CHST15: variants seen among roughly 807,000 people sequenced by gnomAD.
CHST15 encodes carbohydrate sulfotransferase 15, also known as B cell RAG associated protein (GALNAC4S-6ST).
CHST15 carries 30 observed loss-of-function variants against 53.6 expected under a neutral mutation model. The observed-to-expected ratio is 0.56, with a 90% CI of 0.42 to 0.76. CHST15 has a LOEUF of 0.76. Among genes scored for constraint, CHST15 ranks in the 30% least tolerant of loss-of-function variants. The pLI is 0.00. For synonymous variants in CHST15, 296 were observed against 289.8 expected (o/e 1.02, Z -0.22); for missense variants, 627 against 740.5 (o/e 0.85, Z 1.78).
intron 1 of CHST15, among the ~76,000 whole-genome samples, chr10:124,080,154 G>C (rs994664696): frequency 6.6e-6 from 1 of 152,238 alleles, no homozygotes; most frequent in African/African-American, 2.4e-5. Context: ...TCTTCACCCA[G>C]AGACGGGACG....
intron 1 of CHST15, among the ~76,000 whole-genome samples, chr10:124,066,134 T>A: frequency 6.6e-6 from 1 of 152,326 alleles, no homozygotes; most frequent in East Asian, 1.9e-4. Context: ...TCTAATAAAA[T>A]GAGTGCCTCC....
intron 5 of CHST15, among the ~76,000 whole-genome samples, chr10:124,035,415 C>T (rs1470644889): frequency 1.3e-5 from 2 of 151,036 alleles, no homozygotes; most frequent in Non-Finnish European, 3.0e-5. Context: ...TGGCTCCACC[C>T]CTAATAGGGA....
At position 124,024,229 on chromosome 10, in the gene CHST15, C is replaced by T. The variant is rs1055427146; in HGVS notation, c.1191-2817G>A. Among the ~76,000 whole-genome samples, 13 of 152,330 alleles carry T rather than the reference C, an allele frequency of 8.5e-5. No homozygotes were observed. Among genetic ancestry groups the T allele is most frequent in the Admixed American group, 7.2e-4 (11 of 15,304 alleles). On this transcript the variant is annotated intron_variant, in intron 5 of 7. Coordinates refer to ENST00000435907, the MANE Select transcript of CHST15 (RefSeq NM_001270764.2). The surrounding 1 kb of genome is among the most constrained non-coding windows in gnomAD (Gnocchi z 4.0). ...TGCTCCCTTATAGCAGGGTCTGTTG[C>T]AAATGCGCCTTCTCCACTGCCCTCC...
Position 124,021,244 on chromosome 10 carries a change from G to GC in CHST15, c.1347+11_1347+12insG, listed in dbSNP as rs1564854292. The GC allele has an allele frequency of 3.2e-6, 5 of 1,570,474 alleles. No homozygotes were observed. The highest frequency in any genetic ancestry group is 4.3e-6 in the Non-Finnish European group (5 of 1,150,016). On this transcript the variant is annotated intron_variant, in intron 6 of 7. Coordinates refer to ENST00000435907, the MANE Select transcript of CHST15 (RefSeq NM_001270764.2). The stretch of plus-strand genomic sequence containing the variant: ...GGCCAGCTCGGGGGGTACGGGGGGG[G>GC]GGGGTACACACAGGCATGGCGTTGT...
At chr10:124,027,896 C>T (rs1947073730) in intron 5 of CHST15, among the ~76,000 whole-genome samples, 2 of 152,218 alleles carry the variant, frequency 1.3e-5, no homozygotes, top group Non-Finnish European at 1.5e-5. Context: ...CGAGCTTAGG[C>T]AAGGAGACGA....
At chr10:124,020,168 A>G in intron 6 of CHST15, 1 of 985,592 alleles carries the variant, frequency 1.0e-6, no homozygotes, top group Non-Finnish European at 1.2e-6. Context: ...GAATGAACGC[A>G]GGAATGCAAG....
At chr10:124,051,353 A>T (rs1948188923) in intron 1 of CHST15, among the ~76,000 whole-genome samples, 1 of 152,294 alleles carries the variant, frequency 6.6e-6, no homozygotes, top group Non-Finnish European at 1.5e-5. Flanking sequence ...AAATCCAATT[A>T]ATGGGGTGGT....
At chr10:124,038,371 G>A (rs1947602115) in intron 5 of CHST15, 144 bp downstream of exon 5, 4 of 858,202 alleles carry the variant, frequency 4.7e-6, no homozygotes, top group Non-Finnish European at 7.0e-6. Context: ...CTCCCAAAGT[G>A]CTGGGATTAC....
rs1397847548 is a variant in CHST15 at position 124,046,014 on chromosome 10, T to G, written c.199A>C (p.Asn67His). 6.2e-7 allele frequency: 1 copy of G among 1,614,064 alleles called. No homozygotes were observed. The highest frequency in any genetic ancestry group is 1.6e-4 in the Middle Eastern group (1 of 6,084). Residue 67 changes from asparagine to histidine, a missense_variant, in exon 2 of 8, where the codon AAC becomes CAC. By Grantham distance (68) the Asn-to-His change is moderately conservative. Coordinates refer to ENST00000435907, the MANE Select transcript of CHST15 (RefSeq NM_001270764.2). The part of the protein sequence containing the change: ...VLEVRTEGNE[N>H]WGGFLRFKKG... ...TTGAAGCGCAAAAACCCACCCCAGT[T>G]TTCGTTCCCTTCAGTCCTCACTTCG...
intron 1 of CHST15, among the ~76,000 whole-genome samples, chr10:124,073,709 C>A (rs760002070): frequency 1.3e-5 from 2 of 152,240 alleles, no homozygotes; most frequent in East Asian, 1.9e-4. Context: ...CTGGTCCTTG[C>A]GCCTTGACCA....
At chr10:124,020,470 C>A (rs1946734881) in intron 6 of CHST15, 1 of 985,444 alleles carries the variant, frequency 1.0e-6, no homozygotes. Context: ...CCTCCCAGAT[C>A]CCACGGCCTC....
intron 1 of CHST15, among the ~76,000 whole-genome samples, chr10:124,063,921 CCAGCGTTGTTTTGTGTCCTCAGTGCT>C (rs1948672190): frequency 1.3e-5 from 2 of 152,164 alleles, no homozygotes; most frequent in Non-Finnish European, 2.9e-5. Context: ...AGCTGAGCTT[CCAGCGTTGTTTTGTGTCCTCAGTGCT>C]ATGTAAACAT....
At chr10:124,045,125 A>ACAAAAC (rs1564882066) in intron 2 of CHST15, among the ~76,000 whole-genome samples, 1 of 103,474 alleles carries the variant, frequency 9.7e-6, no homozygotes, top group Non-Finnish European at 1.9e-5. Flanking sequence ...AAAAAAAAAA[A>ACAAAAC]AAAAAAAAAA....
At chr10:124,073,134 T>C (rs2134168923) in intron 1 of CHST15, among the ~76,000 whole-genome samples, 1 of 152,306 alleles carries the variant, frequency 6.6e-6, no homozygotes, top group South Asian at 2.1e-4. Context: ...AAGGCATCCA[T>C]ATGCTGATCA....
intron 1 of CHST15, among the ~76,000 whole-genome samples, chr10:124,086,069 C>T (rs568030762): frequency 4.5e-4 from 69 of 152,342 alleles, no homozygotes; most frequent in Admixed American, 1.2e-3. Context: ...CAACCACTAC[C>T]TCAGCTCCCT....
In CHST15 at chr10:124,010,329, A is replaced by T. The variant is rs1204433309; in HGVS notation, c.1506T>A (p.Ser502Arg). 1.3e-6 allele frequency: 2 copies of T among 1,597,432 alleles called. No homozygotes were observed. Among genetic ancestry groups the T allele is most frequent in the Non-Finnish European group, 1.7e-6 (2 of 1,171,002 alleles). Residue 502 changes from serine to arginine, a missense_variant, in exon 8 of 8, where the codon AGT (serine) becomes AGA (arginine). Physicochemically the swap from Ser to Arg is moderately radical, Grantham distance 110. Coordinates refer to ENST00000435907, the MANE Select transcript of CHST15 (RefSeq NM_001270764.2). ...TGGTCATCAAAGCCTCCTGCTTCTC[A>T]CTTAAGGGCCCTAGAATAAAAGAAG... Reference protein sequence around the residue: ...VFQFLNLGPLSEKQEALMTKS... With the variant: ...VFQFLNLGPLREKQEALMTKS...
intron 7 of CHST15, among the ~76,000 whole-genome samples, chr10:124,011,986 C>T (rs1413906343): frequency 6.6e-6 from 1 of 152,184 alleles, no homozygotes; most frequent in African/African-American, 2.4e-5. Flanking sequence ...CCCAAACCAT[C>T]AGCACATACC....
chr10:124,015,995 G>A (rs574559743), intron 6 of CHST15, among the ~76,000 whole-genome samples: 1 of 152,136 alleles, frequency 6.6e-6, no homozygotes, highest in Non-Finnish European at 1.5e-5. Context: ...CCATGGCCCC[G>A]TACCCAGAGT....
chr10:124,046,508 T>C lies in CHST15; in HGVS notation c.-296A>G. The C allele has an allele frequency of 3.4e-6, 1 of 294,462 alleles. No individual in the cohort carries two copies. 18.2% of individuals were successfully genotyped at this position (294,462 alleles called of 1,614,324 possible). On this transcript the variant is annotated 5_prime_UTR_variant, in exon 2 of 8. Coordinates refer to ENST00000435907, the MANE Select transcript of CHST15 (RefSeq NM_001270764.2). ...AGTTCGGGAGCAGCTCTGCCTGCCC[T>C]TCAGGTTTTTCCCATGGCACAAAAA...
Sources: allele counts gnomAD v4.1 joint callset (sites outside exome capture counted in the v4.1 genomes callset), GRCh38; gene constraint gnomAD v4.1.1; non-coding constraint Gnocchi (gnomAD v3.1); transcripts MANE v1.5; gene names NCBI Gene and HGNC (gene_info 2026-07-23, HGNC 2026-07-21).